The following PARP16 variants were observed in gnomAD, a reference collection of about 807,000 sequenced individuals.
The protein encoded by PARP16 is protein mono-ADP-ribosyltransferase PARP16.
Under a neutral mutation model 35.0 loss-of-function variants are expected in PARP16, and 31 were observed. The observed-to-expected ratio is 0.88, with a 90% CI of 0.66 to 1.19. The LOEUF is 1.19. Among genes scored for constraint, PARP16 ranks in the 50% most tolerant of loss-of-function variants. The pLI, the probability that PARP16 is intolerant of heterozygous loss-of-function variation, is 0.00. For synonymous variants in PARP16, 162 were observed against 169.5 expected (o/e 0.96, Z 0.34); for missense variants, 424 against 411.2 (o/e 1.03, Z -0.27).
intron 3 of PARP16, among the ~76,000 whole-genome samples, chr15:65,265,839 A>C (rs2089870809): frequency 6.6e-6 from 1 of 152,184 alleles, no homozygotes; most frequent in African/African-American, 2.4e-5. Flanking sequence ...AGAGCTTTTA[A>C]AGCAACTGAT....
At chr15:65,245,550 G>C (rs1223328720) in intron 3 of PARP16, among the ~76,000 whole-genome samples, 5 of 152,148 alleles carry the variant, frequency 3.3e-5, no homozygotes, top group Non-Finnish European at 5.9e-5. Flanking sequence ...GAGTCCCATG[G>C]AGTATGTGTA....
At position 65,259,306 on chromosome 15, in the gene PARP16, G is replaced by A. The variant is rs2089620657; in HGVS notation, c.*101C>T. 2.6e-6 allele frequency: 3 copies of A among 1,159,648 alleles called. 1 individual carries two copies. The highest frequency in any genetic ancestry group is 2.7e-5 in the South Asian group (2 of 74,036). 71.8% of individuals were successfully genotyped at this position (1,159,648 alleles called of 1,614,324 possible). A position where few individuals can be genotyped will look rare whatever the true frequency, so the allele number is the denominator to read the frequency against. On this transcript the variant is annotated 3_prime_UTR_variant, in exon 6 of 6. Coordinates refer to ENST00000649807, the MANE Select transcript of PARP16 (RefSeq NM_001316943.2). ...AAATTGTCCTGTGGTCCCCCAACTG[G>A]CCCCTAGGCTCAACCTGGCTGGACA...
downstream of PARP16, among the ~76,000 whole-genome samples, chr15:65,256,608 C>T (rs530390543): frequency 4.0e-4 from 61 of 152,120 alleles, 1 homozygote; most frequent in South Asian, 0.011. Flanking sequence ...GGGGTTTCAC[C>T]GTGTTAGCCA....
At chr15:65,239,962 T>TTTTTTTTTTTTTTTTTTTA (rs2089007072) in intron 3 of PARP16, among the ~76,000 whole-genome samples, 1 of 133,794 alleles carries the variant, frequency 7.5e-6, no homozygotes, top group Non-Finnish European at 1.6e-5. Flanking sequence ...GACCTTTTTT[T>TTTTTTTTTTTTTTTTTTTA]TTTTTTTTTT....
rs2089611186 is a variant in PARP16 at position 65,259,094 on chromosome 15, T to G, written c.*313A>C. On this transcript the variant is annotated 3_prime_UTR_variant, in exon 6 of 6. Coordinates refer to ENST00000649807, the MANE Select transcript of PARP16 (RefSeq NM_001316943.2). ...ACACACCACTGACAGCTTGGACACT[T>G]TGTTTTTAAATGCAGCAGGGCTTTT... 1 of 229,186 alleles carries G rather than the reference T, an allele frequency of 4.4e-6. No homozygotes were observed. The highest frequency in any genetic ancestry group is 1.3e-4 in the South Asian group (1 of 7,830). 14.2% of individuals were successfully genotyped at this position (229,186 alleles called of 1,614,324 possible). A position where few individuals can be genotyped will look rare whatever the true frequency, so the allele number is the denominator to read the frequency against.
intron 2 of PARP16, among the ~76,000 whole-genome samples, chr15:65,252,887 G>A (rs111350775): frequency 0.046 from 6,965 of 152,242 alleles, 390 homozygotes; most frequent in African/African-American, 0.13. Flanking sequence ...CCAGCACTTT[G>A]GGAGGTCAAG....
At chr15:65,249,622 G>A (rs1179080540) in intron 2 of PARP16, among the ~76,000 whole-genome samples, 1 of 152,232 alleles carries the variant, frequency 6.6e-6, no homozygotes, top group Non-Finnish European at 1.5e-5. Context: ...GAGCCCAGCT[G>A]GCCAGAAAGG....
At position 65,259,634 on chromosome 15, in the gene PARP16, A is replaced by G. The variant is rs1436275911; in HGVS notation, c.834-92T>C. 2.5e-6 allele frequency: 3 copies of G among 1,213,072 alleles called. No individual in the cohort carries two copies. The East Asian group carries it at 7.0e-5, about 28-fold the overall frequency. The allele number at this position is 1,213,072 out of a possible 1,614,324, so 75.1% of individuals were successfully genotyped here. ...ACAAGTCTGGCTCTAAGAAGACAAA[A>G]TGATGAATTTCATCCTTTGCCTGAG... On this transcript the variant is annotated intron_variant, in intron 5 of 5. Transcript: ENST00000649807.
intron 2 of PARP16, among the ~76,000 whole-genome samples, chr15:65,252,834 T>C (rs1298042527): frequency 1.3e-5 from 2 of 152,096 alleles, no homozygotes; most frequent in Non-Finnish European, 2.9e-5. Context: ...GCACTTTAAA[T>C]AAAATGCAAG....
At position 65,286,450 on chromosome 15, in the gene PARP16, G is replaced by A. The variant is rs776307743; in HGVS notation, c.-24C>T. The stretch of plus-strand genomic sequence containing the variant: ...ATCCCAGGTCACTGCGCGTTGCCGG[G>A]GTAGACGCGCTGGTTAGGGGCAAGG... On this transcript the variant is annotated 5_prime_UTR_variant, in exon 1 of 6. Transcript: ENST00000649807. The A allele has an allele frequency of 1.4e-6, 2 of 1,447,190 alleles. No individual in the cohort carries two copies. The highest frequency in any genetic ancestry group is 1.8e-6 in the Non-Finnish European group (2 of 1,101,888). 89.6% of individuals were successfully genotyped at this position (1,447,190 alleles called of 1,614,324 possible).
At chr15:65,239,160 GCTCATGC>G (rs1324476103) in intron 3 of PARP16, among the ~76,000 whole-genome samples, 1 of 151,990 alleles carries the variant, frequency 6.6e-6, no homozygotes, top group Non-Finnish European at 1.5e-5. Context: ...GGGTGCGGTG[GCTCATGC>G]CTGTAATCCT....
chr15:65,285,523 C>A, intron 1 of PARP16: 1 of 394,514 alleles, frequency 2.5e-6, no homozygotes, highest in Non-Finnish European at 5.0e-6. Context: ...TGCTGGTAAA[C>A]AAGAATATGC....
At chr15:65,243,247 G>A (rs2089125992) in intron 3 of PARP16, among the ~76,000 whole-genome samples, 1 of 151,900 alleles carries the variant, frequency 6.6e-6, no homozygotes, top group Non-Finnish European at 1.5e-5. Context: ...TAACCATGAA[G>A]TATGATTTTG....
chr15:65,268,536 C>T (rs1020720389), intron 2 of PARP16, among the ~76,000 whole-genome samples: 2 of 152,210 alleles, frequency 1.3e-5, no homozygotes, highest in African/African-American at 4.8e-5. Context: ...GCCTTGAACT[C>T]CTGGGTTCGA....
Position 65,259,381 on chromosome 15 carries a change from T to C in PARP16, c.*26A>G. 3.7e-6 allele frequency: 6 copies of C among 1,613,222 alleles called. No homozygotes were observed. Among genetic ancestry groups the C allele is most frequent in the Non-Finnish European group, 5.1e-6 (6 of 1,179,298 alleles). ...GTTACCATAAGGCACATAGTTGAGG[T>C]AGCCCCCACACCAGGCCCAGAAAGA... On this transcript the variant is annotated 3_prime_UTR_variant, in exon 6 of 6. Coordinates refer to ENST00000649807, the MANE Select transcript of PARP16 (RefSeq NM_001316943.2).
chr15:65,260,810 G>T, intron 5 of PARP16, 75 bp downstream of exon 5: 2 of 1,374,842 alleles, frequency 1.5e-6, no homozygotes, highest in Non-Finnish European at 1.0e-6. Flanking sequence ...GCTGGGGGAG[G>T]GGAGGCTGAT....
At chr15:65,236,569 T>C (rs1266236037) in intron 3 of PARP16, among the ~76,000 whole-genome samples, 1 of 152,184 alleles carries the variant, frequency 6.6e-6, no homozygotes, top group African/African-American at 2.4e-5. Flanking sequence ...TAGTATGTCT[T>C]GAGACAGCTA....
Position 65,286,430 on chromosome 15 carries a change from A to C in PARP16, c.-4T>G, listed in dbSNP as rs911426520. 1.3e-6 allele frequency: 2 copies of C among 1,489,356 alleles called. No individual in the cohort carries two copies. Among genetic ancestry groups the C allele is most frequent in the Admixed American group, 4.8e-5 (2 of 41,280 alleles). The allele number at this position is 1,489,356 out of a possible 1,614,324, so 92.3% of individuals were successfully genotyped here. A position where few individuals can be genotyped will look rare whatever the true frequency, so the allele number is the denominator to read the frequency against. Reference sequence around the variant, plus strand: ...CCGCCCAGCCTGAGGGCTGCATCCCAGGTCACTGCGCGTTGCCGGGGTAGA... The same window carrying C: ...CCGCCCAGCCTGAGGGCTGCATCCCCGGTCACTGCGCGTTGCCGGGGTAGA... On this transcript the variant is annotated 5_prime_UTR_variant, in exon 1 of 6. Transcript: ENST00000649807.
intron 1 of PARP16, among the ~76,000 whole-genome samples, chr15:65,282,921 C>T (rs971392629): frequency 2.0e-5 from 3 of 152,140 alleles, no homozygotes; most frequent in African/African-American, 4.8e-5. Context: ...TTTTACTTTA[C>T]TGGTATCATT....
Sources: gnomAD v4.1 joint callset for allele counts (sites outside exome capture counted in the v4.1 genomes callset) on GRCh38, gnomAD v4.1.1 for gene constraint, MANE v1.5 for transcripts, NCBI Gene and HGNC (gene_info 2026-07-23, HGNC 2026-07-21) for gene names.